Variants in KREMEN1 observed in about 807,000 individuals in gnomAD.
KREMEN1 encodes the protein kringle containing transmembrane protein 1.
KREMEN1 carries 30 observed loss-of-function variants against 46.5 expected under a neutral mutation model. The observed-to-expected ratio is 0.65, with a 90% CI of 0.48 to 0.88. The LOEUF is 0.88. Ranked by LOEUF, KREMEN1 falls within the 40% of genes least tolerant of loss-of-function variation. The probability of loss-of-function intolerance (pLI) is 0.00; values close to 1 mark genes in which losing one functional copy is unlikely to be tolerated. For missense variants in KREMEN1, 533 were observed against 596.9 expected, an observed-to-expected ratio of 0.89 and a Z score of 1.11; for synonymous variants, 214 against 230.6, an observed-to-expected ratio of 0.93 and a Z score of 0.65.
At position 29,118,751 on chromosome 22, in the gene KREMEN1, A is replaced by G. The variant is rs1179468279; in HGVS notation, c.353-2606A>G. On this transcript the variant is annotated intron_variant, in intron 3 of 8. Transcript: ENST00000400335. Reference sequence around the variant, plus strand: ...TTCAATATATTAATTTTAGGGAGTAATAGGGGGAAAAAACCTTTTCCCATA... The same window carrying G: ...TTCAATATATTAATTTTAGGGAGTAGTAGGGGGAAAAAACCTTTTCCCATA... 2.6e-5 allele frequency among the ~76,000 whole-genome samples: 4 copies of G among 152,172 alleles called. No homozygotes were observed. In the South Asian group the frequency reaches 6.2e-4, roughly 24 times the overall value.
chr22:29,114,358 C>T (rs1377862560), intron 3 of KREMEN1, among the ~76,000 whole-genome samples: 1 of 151,790 alleles, frequency 6.6e-6, no homozygotes, highest in Non-Finnish European at 1.5e-5. Context: ...TGGTGGCGGG[C>T]ACCTGTAACC....
chr22:29,149,079 C>T (rs2038895902), downstream of KREMEN1, among the ~76,000 whole-genome samples: 1 of 152,138 alleles, frequency 6.6e-6, no homozygotes, highest in South Asian at 2.1e-4. Flanking sequence ...CCGTGCCCTT[C>T]ACTTCACCAC....
chr22:29,139,682 A>C (rs2038730068), intron 7 of KREMEN1, among the ~76,000 whole-genome samples: 1 of 152,204 alleles, frequency 6.6e-6, no homozygotes, highest in Admixed American at 6.5e-5. Flanking sequence ...CTGAGGCAGG[A>C]GGATTGCTTG....
chr22:29,122,215 C>T (rs907846456), intron 4 of KREMEN1, among the ~76,000 whole-genome samples: 3 of 152,182 alleles, frequency 2.0e-5, no homozygotes, highest in Non-Finnish European at 4.4e-5. Context: ...AAAAGATGCT[C>T]AGCATCACCA....
chr22:29,158,893 G>A (rs573412057), intron 9 of KREMEN1, among the ~76,000 whole-genome samples: 2 of 151,606 alleles, frequency 1.3e-5, no homozygotes, highest in South Asian at 2.1e-4. Context: ...TGCTCAGCTC[G>A]CTGCAACCTC....
chr22:29,115,122 G>C (rs2145799814), intron 3 of KREMEN1, among the ~76,000 whole-genome samples: 1 of 152,254 alleles, frequency 6.6e-6, no homozygotes, highest in African/African-American at 2.4e-5. Context: ...CCACTCTAAT[G>C]GCATTCGCAG....
chr22:29,140,238 C>G, intron 7 of KREMEN1, 44 bp from the exon 8 acceptor site: 1 of 1,542,516 alleles, frequency 6.5e-7, no homozygotes, highest in South Asian at 1.1e-5. Flanking sequence ...TTTCGAAAAC[C>G]AACCATAAAC....
Position 29,143,082 on chromosome 22 carries a change from T to C in KREMEN1, c.*970T>C. On this transcript the variant is annotated 3_prime_UTR_variant, in exon 9 of 9. Coordinates refer to ENST00000400335, the MANE Select transcript of KREMEN1 (RefSeq NM_001039570.3). ...GAAGAACAGCTTGAACCCAGGAGGC[T>C]GAGATTGCAGTGAGCCGAGATCGCA... The C allele has an allele frequency of 6.5e-6, 4 of 618,538 alleles. No homozygotes were observed. Among genetic ancestry groups the C allele is most frequent in the Non-Finnish European group, 8.1e-6 (4 of 494,984 alleles). The allele number at this position is 618,538 out of a possible 1,614,324, so 38.3% of individuals were successfully genotyped here.
chr22:29,119,696 A>G (rs2038299333), intron 3 of KREMEN1, among the ~76,000 whole-genome samples: 1 of 152,236 alleles, frequency 6.6e-6, no homozygotes, highest in Non-Finnish European at 1.5e-5. Context: ...CAGAGTTGGT[A>G]CATATATTTA....
intron 3 of KREMEN1, among the ~76,000 whole-genome samples, chr22:29,103,225 G>A (rs1246599914): frequency 6.6e-6 from 1 of 152,160 alleles, no homozygotes; most frequent in Non-Finnish European, 1.5e-5. Context: ...AAAGTCCTGT[G>A]ACATGATCAG....
In KREMEN1 at chr22:29,079,712, T is replaced by G. The variant is rs1008541375; in HGVS notation, c.97+6485T>G. 2.0e-5 allele frequency among the ~76,000 whole-genome samples: 3 copies of G among 152,234 alleles called. No individual in the cohort carries two copies. In the South Asian group the frequency reaches 6.2e-4, roughly 32 times the overall value. ...ACTTTTAAAGGTGATTCAGAGCGGC[T>G]GTAGCTATCAGCGTGTATGATTGAC... is the stretch of plus-strand genomic sequence containing the variant. On this transcript the variant is annotated intron_variant, in intron 1 of 8. Transcript: ENST00000400335.
At position 29,079,335 on chromosome 22, in the gene KREMEN1, G is replaced by A. The variant is rs2037619754; in HGVS notation, c.97+6108G>A. Among the ~76,000 whole-genome samples, 5 of 152,192 alleles carry A rather than the reference G, an allele frequency of 3.3e-5. No homozygotes were observed. In the South Asian group the frequency reaches 8.3e-4, roughly 25 times the overall value. Reference sequence around the variant, plus strand: ...GCACCTTGGCAGACAAAATGTTTTAGGCCACCTCACACGCAAAGTTGCCTC... The same window carrying A: ...GCACCTTGGCAGACAAAATGTTTTAAGCCACCTCACACGCAAAGTTGCCTC... On this transcript the variant is annotated intron_variant, in intron 1 of 8. Coordinates refer to ENST00000400335, the MANE Select transcript of KREMEN1 (RefSeq NM_001039570.3).
chr22:29,149,244 C>G (rs2038897097), downstream of KREMEN1, among the ~76,000 whole-genome samples: 1 of 151,830 alleles, frequency 6.6e-6, no homozygotes, highest in South Asian at 2.1e-4. Context: ...CTCACTGCAA[C>G]CTCCGCCTCC....
intron 3 of KREMEN1, among the ~76,000 whole-genome samples, chr22:29,111,334 CG>C (rs2038143507): frequency 6.7e-6 from 1 of 148,166 alleles, no homozygotes; most frequent in African/African-American, 2.5e-5. Flanking sequence ...AAAATTAGGC[CG>C]GGTGCGGTGG....
At chr22:29,116,088 G>T (rs973557650) in intron 3 of KREMEN1, among the ~76,000 whole-genome samples, 2 of 152,146 alleles carry the variant, frequency 1.3e-5, no homozygotes, top group African/African-American at 4.8e-5. Context: ...CCCTTTCTCT[G>T]CTACCAGTCA....
intron 9 of KREMEN1, among the ~76,000 whole-genome samples, chr22:29,164,581 A>C (rs1406086789): frequency 6.6e-6 from 1 of 151,890 alleles, no homozygotes; most frequent in East Asian, 1.9e-4. Flanking sequence ...CCCCATCTCT[A>C]CTAAAAATAC....
rs1220838770 is a variant in KREMEN1, at chr22:29,145,912, C to T, written c.*3800C>T. 1 of 985,768 alleles carries T rather than the reference C, an allele frequency of 1.0e-6. No individual in the cohort carries two copies. Among genetic ancestry groups the T allele is most frequent in the African/African-American group, 1.7e-5 (1 of 57,250 alleles). The allele number at this position is 985,768 out of a possible 1,614,324, so 61.1% of individuals were successfully genotyped here. On this transcript the variant is annotated 3_prime_UTR_variant, in exon 9 of 9. Transcript: ENST00000400335. ...TGGGTGCGGCTCCACCCACATGCCC[C>T]ACTGTCAGCCCAGGCAGGAGCCTTC...
intron 5 of KREMEN1, among the ~76,000 whole-genome samples, chr22:29,131,544 ATATATATATATATATATGTGTG>A (rs1220963972): frequency 7.5e-4 from 28 of 37,450 alleles, no homozygotes; most frequent in Non-Finnish European, 1.3e-3. Context: ...ATATATATAT[ATATATATATATATATATGTGTG>A]TGTGTGTGTG....
chr22:29,129,795 ACT>A (rs2038505809), intron 5 of KREMEN1, among the ~76,000 whole-genome samples: 2 of 151,938 alleles, frequency 1.3e-5, no homozygotes, highest in East Asian at 1.9e-4. Context: ...TTTGTCACAG[ACT>A]CTCTGGCTGA....
Sources: allele counts gnomAD v4.1 joint callset (sites outside exome capture counted in the v4.1 genomes callset), GRCh38; gene constraint gnomAD v4.1.1; transcripts MANE v1.5; gene names NCBI Gene and HGNC (gene_info 2026-07-23, HGNC 2026-07-21).